The following PDE1C variants were observed in gnomAD, a reference collection of about 807,000 sequenced individuals.
PDE1C encodes the protein phosphodiesterase 1C.
PDE1C carries 62 observed loss-of-function variants against 93.1 expected under a neutral mutation model. That is an observed-to-expected ratio of 0.67 (90% CI 0.54 to 0.82). PDE1C has a LOEUF of 0.82. Among genes scored for constraint, PDE1C ranks in the 40% least tolerant of loss-of-function variants. The pLI is 0.00. For missense variants in PDE1C, 742 were observed against 884.6 expected, an observed-to-expected ratio of 0.84 and a Z score of 2.04; for synonymous variants, 325 against 310.1, an observed-to-expected ratio of 1.05 and a Z score of -0.50.
At chr7:31,816,819 G>A (rs1583454750) in intron 14 of PDE1C, among the ~76,000 whole-genome samples, 1 of 152,134 alleles carries the variant, frequency 6.6e-6, no homozygotes, top group Non-Finnish European at 1.5e-5. Context: ...AAGATGAGAG[G>A]TAGCCTTTAG....
chr7:31,628,059 G>C, the PDE1C span, among the ~76,000 whole-genome samples: 1 of 152,202 alleles, frequency 6.6e-6, no homozygotes, highest in African/African-American at 2.4e-5. Context: ...GCCTAAAAAA[G>C]CAGAGGGAGC....
chr7:32,405,531 G>A (rs897836462), intron 1 of PDE1C, among the ~76,000 whole-genome samples: 1 of 152,154 alleles, frequency 6.6e-6, no homozygotes, highest in African/African-American at 2.4e-5. Context: ...ACAGGTGTGA[G>A]CCACCGTGCC....
intron 2 of PDE1C, among the ~76,000 whole-genome samples, chr7:31,917,204 C>T (rs138282955): frequency 1.5e-4 from 23 of 152,196 alleles, no homozygotes; most frequent in African/African-American, 4.1e-4. Flanking sequence ...GAGTTAATTA[C>T]GGTAGGGTTA....
intron 2 of PDE1C, among the ~76,000 whole-genome samples, chr7:31,964,898 T>G (rs1455578846): frequency 6.6e-6 from 1 of 152,200 alleles, no homozygotes; most frequent in Non-Finnish European, 1.5e-5. Flanking sequence ...CTGAGGGTCC[T>G]GACTGTTAGA....
chr7:32,200,448 GTTACCTTA>G (rs1804928848), intron 2 of PDE1C, among the ~76,000 whole-genome samples: 1 of 152,208 alleles, frequency 6.6e-6, no homozygotes, highest in Non-Finnish European at 1.5e-5. Context: ...AGCCAAGCAA[GTTACCTTA>G]TTACCCCTCT....
At chr7:32,382,672 C>A (rs1745969678) in intron 1 of PDE1C, among the ~76,000 whole-genome samples, 1 of 152,224 alleles carries the variant, frequency 6.6e-6, no homozygotes, top group African/African-American at 2.4e-5. Context: ...GTTCACTACC[C>A]GTTCCTAAGT....
chr7:32,350,476 A>C (rs1013771), intron 1 of PDE1C, among the ~76,000 whole-genome samples: 6,777 of 106,450 alleles, frequency 0.064, 957 homozygotes, highest in Middle Eastern at 0.13. Flanking sequence ...AAATGTCATA[A>C]ATGGTTGCTA....
intron 9 of PDE1C, among the ~76,000 whole-genome samples, chr7:31,841,352 C>T (rs1193508878): frequency 6.6e-6 from 1 of 151,674 alleles, no homozygotes; most frequent in Non-Finnish European, 1.5e-5. Context: ...CTTTACAGAT[C>T]CTTAGGATTT....
At chr7:32,185,845 A>T (rs150618389) in intron 2 of PDE1C, among the ~76,000 whole-genome samples, 2 of 152,358 alleles carry the variant, frequency 1.3e-5, no homozygotes, top group African/African-American at 2.4e-5. Flanking sequence ...CAATAGACAC[A>T]TGACTAGTAG....
At chr7:31,951,668 T>C (rs1037183392) in intron 2 of PDE1C, among the ~76,000 whole-genome samples, 2 of 152,242 alleles carry the variant, frequency 1.3e-5, no homozygotes, top group Admixed American at 6.5e-5. Flanking sequence ...CATTCTCTAA[T>C]GCATCTTCTC....
chr7:31,985,612 C>T (rs781538758), intron 2 of PDE1C, among the ~76,000 whole-genome samples: 31 of 151,996 alleles, frequency 2.0e-4, no homozygotes, highest in Non-Finnish European at 3.8e-4. Flanking sequence ...TGATGTTCCC[C>T]GCCCTGTGTC....
chr7:31,629,419 G>A, the PDE1C span, among the ~76,000 whole-genome samples: 136 of 152,278 alleles, frequency 8.9e-4, 2 homozygotes, highest in African/African-American at 3.1e-3. Context: ...AGGCACAATG[G>A]CCTGTTTTCC....
chr7:32,207,424 C>T (rs1805665719), intron 2 of PDE1C, among the ~76,000 whole-genome samples: 1 of 151,906 alleles, frequency 6.6e-6, no homozygotes, highest in Non-Finnish European at 1.5e-5. Flanking sequence ...TCATTCACAC[C>T]ACACAATGAA....
chr7:31,736,917 T>C, the PDE1C span, among the ~76,000 whole-genome samples: 1 of 152,024 alleles, frequency 6.6e-6, no homozygotes, highest in Admixed American at 6.6e-5. Flanking sequence ...AACTAGTTGT[T>C]CATTATAACA....
intron 1 of PDE1C, among the ~76,000 whole-genome samples, chr7:32,056,350 CT>C (rs1794082391): frequency 7.4e-6 from 1 of 134,290 alleles, no homozygotes; most frequent in South Asian, 2.4e-4. Context: ...CTCTCTCTCT[CT>C]CTCTCTCTCT....
chr7:32,022,225 A>T (rs560777612), intron 2 of PDE1C, among the ~76,000 whole-genome samples: 1 of 152,204 alleles, frequency 6.6e-6, no homozygotes, highest in African/African-American at 2.4e-5. Flanking sequence ...TAAACACTAA[A>T]AGGAATCAAA....
At chr7:31,963,042 A>G (rs140672462) in intron 2 of PDE1C, among the ~76,000 whole-genome samples, 7 of 152,308 alleles carry the variant, frequency 4.6e-5, no homozygotes, top group African/African-American at 1.7e-4. Flanking sequence ...ATTAAAAGCA[A>G]TTTTTGTTAA....
chr7:32,078,192 A>T (rs919307581), intron 3 of PDE1C, among the ~76,000 whole-genome samples: 5 of 152,218 alleles, frequency 3.3e-5, no homozygotes, highest in African/African-American at 1.2e-4. Context: ...TCAGAGCTGA[A>T]AGGGATCTTT....
intron 3 of PDE1C, among the ~76,000 whole-genome samples, chr7:32,109,292 G>T (rs1798516448): frequency 6.6e-6 from 1 of 152,124 alleles, no homozygotes; most frequent in African/African-American, 2.4e-5. Flanking sequence ...GATAACATAG[G>T]CTTTAATAAT....
Sources: allele counts gnomAD v4.1 joint callset (sites outside exome capture counted in the v4.1 genomes callset), GRCh38; gene constraint gnomAD v4.1.1; transcripts MANE v1.5; gene names NCBI Gene and HGNC (gene_info 2026-07-23, HGNC 2026-07-21).